The following BTBD7 variants were observed in gnomAD, a reference collection of about 807,000 sequenced individuals.
BTBD7 encodes the protein BTB domain containing 7.
A neutral mutation model predicts 99.9 loss-of-function variants in BTBD7; 38 were observed. The observed-to-expected ratio is 0.38, with a 90% confidence interval of 0.29 to 0.50. The LOEUF is 0.50. Ranked by LOEUF, BTBD7 falls within the 20% of genes least tolerant of loss-of-function variation. The pLI, the probability that BTBD7 is intolerant of heterozygous loss-of-function variation, is 0.93. For missense variants in BTBD7, 1,170 were observed against 1,394.6 expected (o/e 0.84, Z 2.57); for synonymous variants, 520 against 511.4 (o/e 1.02, Z -0.23).
rs2052897222 is a variant in BTBD7 at position 93,294,339 on chromosome 14, A to C, written c.681T>G (p.Phe227Leu). 1 of 1,614,086 alleles carries C rather than the reference A, an allele frequency of 6.2e-7. No individual in the cohort carries two copies. ...CTACATCAAGGGAATTTGGTGTTCC[A>C]AATTCTTCACTAAGCTGAACAAGGA... ...VDILVQLSEE[F>L]GTPNSLDVDM... is the part of the protein sequence containing the mutation. Residue 227 changes from phenylalanine (F) to leucine (L), a missense_variant, in exon 3 of 11, where the codon TTT becomes TTG. Phe to Leu is a conservative substitution (Grantham distance 22). This residue lies in a region of BTBD7 where 359 missense variants were observed against 497.9 expected (regional missense o/e 0.72). Transcript: ENST00000334746.
At position 93,322,944 on chromosome 14, in the gene BTBD7, C is replaced by T. The variant is rs189718709; in HGVS notation, c.-107+9876G>A. Reference sequence around the variant, plus strand: ...AGCCTGGGCAACAACACAGCAGGACCCCATCTCTACAAAAAAAAATGTTTA... The same window carrying T: ...AGCCTGGGCAACAACACAGCAGGACTCCATCTCTACAAAAAAAAATGTTTA... On this transcript the variant is annotated intron_variant, in intron 1 of 10. Coordinates refer to ENST00000334746, the MANE Select transcript of BTBD7 (RefSeq NM_001002860.4). Among the ~76,000 whole-genome samples the T allele has an allele frequency of 1.6e-4, 24 of 151,660 alleles. No homozygotes were observed. In the East Asian group the frequency reaches 4.3e-3, roughly 27 times the overall value.
intron 1 of BTBD7, among the ~76,000 whole-genome samples, chr14:93,316,174 G>A (rs982822457): frequency 2.0e-5 from 3 of 151,088 alleles, no homozygotes; most frequent in African/African-American, 4.9e-5. Context: ...GGCTGGTCTC[G>A]AACTCATGAC....
intron 3 of BTBD7, among the ~76,000 whole-genome samples, chr14:93,272,632 TAAG>T (rs2052612441): frequency 6.6e-6 from 1 of 152,196 alleles, no homozygotes; most frequent in Non-Finnish European, 1.5e-5. Flanking sequence ...TTGAAAGGTT[TAAG>T]TTTTCTAAAA....
Position 93,257,400 on chromosome 14 carries a change from C to G in BTBD7, c.1448-45G>C, listed in dbSNP as rs1429071245. 1.9e-6 allele frequency: 3 copies of G among 1,558,998 alleles called. No individual in the cohort carries two copies. In the Admixed American group the frequency reaches 5.9e-5, roughly 30 times the overall value. ...AAGTTTCCAACCAAATCCAAATGTT[C>G]TGAGACAGGTTTCCTTTGTTCTCTA... On this transcript the variant is annotated intron_variant, in intron 5 of 10. Transcript: ENST00000334746.
chr14:93,295,080 A>G, intron 2 of BTBD7, 143 bp from the exon 3 acceptor site: 1 of 802,036 alleles, frequency 1.2e-6, no homozygotes, highest in Non-Finnish European at 1.9e-6. Flanking sequence ...AAGGAAGACA[A>G]AAAGTTCAAT....
chr14:93,310,981 A>AT (rs1205052284), intron 1 of BTBD7, among the ~76,000 whole-genome samples: 1 of 152,112 alleles, frequency 6.6e-6, no homozygotes, highest in East Asian at 1.9e-4. Flanking sequence ...GAAAAATTCT[A>AT]TAAAAAAAAC....
At chr14:93,325,192 C>T (rs990053687) in intron 1 of BTBD7, among the ~76,000 whole-genome samples, 1 of 146,780 alleles carries the variant, frequency 6.8e-6, no homozygotes, top group Non-Finnish European at 1.5e-5. Context: ...TGGCTCACTG[C>T]AACCTCCGCC....
chr14:93,253,800 A>AT lies in BTBD7; in HGVS notation c.1609-11_1609-10insA. ...TCAAGCCTCTTTTCATCTAAAAAAA[A>AT]ATTTTTTTTTTAGATAGAAATCTGT... On this transcript the variant is annotated splice_polypyrimidine_tract_variant and intron_variant, in intron 6 of 10. Transcript: ENST00000334746. 10 of 1,554,182 alleles carry AT rather than the reference A, an allele frequency of 6.4e-6. No homozygotes were observed. The highest frequency in any genetic ancestry group is 1.7e-4 in the Middle Eastern group (1 of 5,798).
At chr14:93,317,652 A>G (rs8004571) in intron 1 of BTBD7, among the ~76,000 whole-genome samples, 58,675 of 152,112 alleles carry the variant, frequency 0.39, 12,538 homozygotes, top group African/African-American at 0.58. Context: ...AGCAGGCCTA[A>G]GACTGCTATC....
intron 1 of BTBD7, among the ~76,000 whole-genome samples, chr14:93,305,781 AT>A (rs1417889409): frequency 6.6e-6 from 1 of 152,222 alleles, no homozygotes; most frequent in Non-Finnish European, 1.5e-5. Context: ...ATATAAAAAA[AT>A]CTATTTCTTA....
chr14:93,279,706 T>C (rs2052696953), intron 3 of BTBD7, among the ~76,000 whole-genome samples: 1 of 152,022 alleles, frequency 6.6e-6, no homozygotes, highest in African/African-American at 2.4e-5. Flanking sequence ...CATGACCACG[T>C]CCAGCTAATT....
chr14:93,242,824 T>C lies in BTBD7; in HGVS notation c.2848A>G (p.Asn950Asp), dbSNP rs200000140. The change falls in exon 11 of 11, where the codon AAT (asparagine) becomes GAT (aspartate). Residue 950 changes from asparagine to aspartate, a missense_variant. Physicochemically the swap from Asn to Asp is conservative, Grantham distance 23. Coordinates refer to ENST00000334746, the MANE Select transcript of BTBD7 (RefSeq NM_001002860.4). Reference protein sequence around the residue: ...QEYPDFYDFSNAACRPSTPAL... With the variant: ...QEYPDFYDFSDAACRPSTPAL... ...GGAGTAGAAGGTCTGCAAGCAGCAT[T>C]TGAGAAGTCATAGAAATCCGGATAT... 6.7e-5 allele frequency: 108 copies of C among 1,614,126 alleles called. No individual in the cohort carries two copies. The Middle Eastern group carries it at 2.8e-3, about 42-fold the overall frequency.
At chr14:93,266,327 G>A (rs1403885673) in intron 3 of BTBD7, among the ~76,000 whole-genome samples, 1 of 152,138 alleles carries the variant, frequency 6.6e-6, no homozygotes, top group Non-Finnish European at 1.5e-5. Context: ...GGTCAGTTTA[G>A]ATTAGCACTG....
rs140197697 is a variant in BTBD7 at position 93,245,945 on chromosome 14, T to C, written c.2463A>G (p.Lys821=). 4.0e-5 allele frequency: 65 copies of C among 1,614,128 alleles called. No homozygotes were observed. In the African/African-American group the frequency reaches 8.4e-4, roughly 21 times the overall value. ...TGCTGGTACAATCAGGCGGTGCAGC[T>C]TTCACACTCGGCAAGTAGACTGGGG... ...GPPPVYLPSV[K]AAPPDCTSTA... is the part of the protein sequence containing the mutation. The change falls in exon 10 of 11, where the codon AAA becomes AAG. Residue 821 remains lysine, a synonymous_variant. Transcript: ENST00000334746.
chr14:93,308,179 C>T (rs1458227114), intron 1 of BTBD7, among the ~76,000 whole-genome samples: 4 of 150,824 alleles, frequency 2.7e-5, no homozygotes, highest in Admixed American at 6.6e-5. Flanking sequence ...CCCAGCTCCT[C>T]GGGAGGCTGA....
Position 93,241,289 on chromosome 14 carries a change from A to G in BTBD7, c.*984T>C, listed in dbSNP as rs10873433. On this transcript the variant is annotated 3_prime_UTR_variant, in exon 11 of 11. Coordinates refer to ENST00000334746, the MANE Select transcript of BTBD7 (RefSeq NM_001002860.4). Reference sequence around the variant, plus strand: ...CCCCCAAGTAGCTGGGACTACAGGCACGCACCACCACGCCTGGCTAGATTT... The same window carrying G: ...CCCCCAAGTAGCTGGGACTACAGGCGCGCACCACCACGCCTGGCTAGATTT... 58,459 of 151,550 alleles carry G rather than the reference A, an allele frequency of 0.39. 12,479 individuals carry two copies. Among genetic ancestry groups the G allele is most frequent in the African/African-American group, 0.58 (23,965 of 41,252 alleles). 9.4% of individuals were successfully genotyped at this position (151,550 alleles called of 1,614,324 possible).
At chr14:93,265,719 C>T (rs534124760) in intron 3 of BTBD7, among the ~76,000 whole-genome samples, 80 of 152,164 alleles carry the variant, frequency 5.3e-4, no homozygotes, top group Non-Finnish European at 9.8e-4. Flanking sequence ...GTCAGGAGTT[C>T]GAGACCAGCT....
chr14:93,315,951 C>CT lies in BTBD7; in HGVS notation c.-107+16868dup, dbSNP rs35850952. Among the ~76,000 whole-genome samples the CT allele has an allele frequency of 7.0e-4, 88 of 124,888 alleles. No homozygotes were observed. The East Asian group carries it at 8.2e-3, about 12-fold the overall frequency. 81.9% of individuals were successfully genotyped at this position (124,888 alleles called of 152,430 possible). The stretch of plus-strand genomic sequence containing the variant: ...GTATATGCCTAGGAGCAAAATGTAT[C>CT]TTTTTTTTTTTTTTTTTGAGATGGA... On this transcript the variant is annotated intron_variant, in intron 1 of 10. Transcript: ENST00000334746.
intron 1 of BTBD7, among the ~76,000 whole-genome samples, chr14:93,329,824 T>C (rs1311625804): frequency 6.6e-6 from 1 of 152,202 alleles, no homozygotes; most frequent in Non-Finnish European, 1.5e-5. Flanking sequence ...TAGAAATATG[T>C]AGTCATGAGC....
Sources: allele counts gnomAD v4.1 joint callset (sites outside exome capture counted in the v4.1 genomes callset), GRCh38; gene constraint gnomAD v4.1.1; regional missense constraint gnomAD v4.1.1; transcripts MANE v1.5; gene names NCBI Gene and HGNC (gene_info 2026-07-23, HGNC 2026-07-21).